The following FAM222B variants were observed in gnomAD, a reference collection of about 807,000 sequenced individuals.
FAM222B encodes the protein family with sequence similarity 222 member B.
A neutral mutation model predicts 38.0 loss-of-function variants in FAM222B; 12 were observed. The observed-to-expected ratio is 0.32, with a 90% CI of 0.20 to 0.51. The LOEUF is 0.51. Among genes scored for constraint, FAM222B ranks in the 20% least tolerant of loss-of-function variants. The probability of loss-of-function intolerance (pLI) is 0.97; values close to 1 mark genes in which losing one functional copy is unlikely to be tolerated. For missense variants in FAM222B, 716 were observed against 754.2 expected (o/e 0.95, Z 0.59); for synonymous variants, 329 against 317.2 (o/e 1.04, Z -0.40).
intron 1 of FAM222B, among the ~76,000 whole-genome samples, chr17:28,810,507 GTTTTATATACTAGCTAACTC>G (rs2037711027): frequency 6.7e-6 from 1 of 150,356 alleles, no homozygotes; most frequent in South Asian, 2.1e-4. Context: ...AGCTAACTTT[GTTTTATATACTAGCTAACTC>G]TGTTTTATAT....
Position 28,802,205 on chromosome 17 carries a change from C to A in FAM222B, c.-40-35498G>T, listed in dbSNP as rs919418566. Among the ~76,000 whole-genome samples the A allele has an allele frequency of 2.0e-5, 3 of 151,718 alleles. 1 individual carries two copies. Among genetic ancestry groups the A allele is most frequent in the African/African-American group, 7.3e-5 (3 of 41,230 alleles). ...CTCTGCCTCCCAGGTTCAAGCAATT[C>A]TCCTGCTTCAGCCTCCCGAGTAGCT... is the stretch of plus-strand genomic sequence containing the variant. On this transcript the variant is annotated intron_variant, in intron 1 of 2. Coordinates refer to ENST00000581407, the MANE Select transcript of FAM222B (RefSeq NM_001077498.3).
chr17:28,791,328 T>C (rs949592294), intron 1 of FAM222B, among the ~76,000 whole-genome samples: 1 of 152,076 alleles, frequency 6.6e-6, no homozygotes, highest in Non-Finnish European at 1.5e-5. Context: ...GGAGAAGACA[T>C]CTCTAAATTG....
At chr17:28,789,711 T>G (rs916759689) in intron 1 of FAM222B, among the ~76,000 whole-genome samples, 5 of 152,208 alleles carry the variant, frequency 3.3e-5, no homozygotes, top group Admixed American at 3.3e-4. Context: ...CATTTTCCAT[T>G]GAAAGGAACC....
At chr17:28,781,233 C>T (rs902882134) in intron 1 of FAM222B, among the ~76,000 whole-genome samples, 8 of 151,924 alleles carry the variant, frequency 5.3e-5, no homozygotes, top group South Asian at 2.1e-4. Context: ...ACGAAGTCGA[C>T]GCTGCAGTGA....
At chr17:28,817,917 C>A (rs1256060279) in intron 1 of FAM222B, among the ~76,000 whole-genome samples, 1 of 152,138 alleles carries the variant, frequency 6.6e-6, no homozygotes, top group Non-Finnish European at 1.5e-5. Context: ...CTCCTAATAA[C>A]AACATTTCTG....
intron 1 of FAM222B, among the ~76,000 whole-genome samples, chr17:28,853,470 C>T (rs2039197643): frequency 6.6e-6 from 1 of 152,132 alleles, no homozygotes; most frequent in African/African-American, 2.4e-5. Flanking sequence ...TCCACCCTCC[C>T]ATCCTATGGA....
intron 1 of FAM222B, among the ~76,000 whole-genome samples, chr17:28,808,826 T>A (rs1430540729): frequency 6.6e-6 from 1 of 152,230 alleles, no homozygotes; most frequent in Non-Finnish European, 1.5e-5. Flanking sequence ...CAGAGTCTCC[T>A]GTGCCTCTAA....
At chr17:28,766,197 G>C (rs951371426) in intron 2 of FAM222B, among the ~76,000 whole-genome samples, 10 of 152,054 alleles carry the variant, frequency 6.6e-5, no homozygotes, top group African/African-American at 2.2e-4. Flanking sequence ...GCTCACACCT[G>C]TAATCCCAGC....
intron 1 of FAM222B, among the ~76,000 whole-genome samples, chr17:28,809,368 AAG>A (rs1191781562): frequency 1.3e-4 from 19 of 151,324 alleles, no homozygotes; most frequent in Middle Eastern, 3.4e-3. Flanking sequence ...AAAAAAAAAA[AAG>A]AGAGAGAGAG....
At chr17:28,843,153 T>C (rs866527478), upstream of FAM222B, among the ~76,000 whole-genome samples, 37 of 151,600 alleles carry the variant, frequency 2.4e-4, no homozygotes, top group African/African-American at 9.0e-4. Context: ...TTTTTTTTTT[T>C]CTGAGTCGAA....
intron 1 of FAM222B, among the ~76,000 whole-genome samples, chr17:28,807,424 C>T (rs529215217): frequency 6.7e-6 from 1 of 149,506 alleles, no homozygotes; most frequent in Non-Finnish European, 1.5e-5. Flanking sequence ...CTCACTCTGT[C>T]ACCCAGGCTG....
chr17:28,818,656 A>C (rs1004508689), intron 1 of FAM222B, among the ~76,000 whole-genome samples: 10 of 152,216 alleles, frequency 6.6e-5, no homozygotes, highest in Non-Finnish European at 1.2e-4. Context: ...AAAGGGAAAC[A>C]CTTGTATGGT....
intron 1 of FAM222B, among the ~76,000 whole-genome samples, chr17:28,810,445 TATATACTAGCTAACTTTGTTTTA>T (rs2037703281): frequency 1.5e-4 from 4 of 27,276 alleles, no homozygotes; most frequent in Non-Finnish European, 2.7e-4. Context: ...AACTCTGTTT[TATATACTAGCTAACTTTGTTTTA>T]TATACTAGCT....
intron 2 of FAM222B, among the ~76,000 whole-genome samples, chr17:28,763,879 T>C (rs2035199890): frequency 1.3e-5 from 2 of 152,304 alleles, no homozygotes; most frequent in South Asian, 4.1e-4. Context: ...CAATCTGCCA[T>C]TTCCAGACCC....
rs151310717 is a variant in FAM222B at position 28,840,736 on chromosome 17, C to T, written c.-41+1946G>A. Reference sequence around the variant, plus strand: ...CTTTGGGAGGCTGGGGCGGGCGGATCACCTGAGGTCAGAAGTTTGAGACCA... The same window carrying T: ...CTTTGGGAGGCTGGGGCGGGCGGATTACCTGAGGTCAGAAGTTTGAGACCA... On this transcript the variant is annotated intron_variant, in intron 1 of 2. Transcript: ENST00000581407. Among the ~76,000 whole-genome samples the T allele has an allele frequency of 7.1e-3, 1,084 of 152,024 alleles. 5 individuals carry two copies. Among genetic ancestry groups the T allele is most frequent in the Non-Finnish European group, 0.012 (837 of 67,978 alleles).
chr17:28,789,660 A>C (rs935451357), intron 1 of FAM222B, among the ~76,000 whole-genome samples: 2 of 152,222 alleles, frequency 1.3e-5, no homozygotes, highest in African/African-American at 4.8e-5. Context: ...ACCCAATTGC[A>C]ATGAGCCCCA....
chr17:28,771,300 T>C (rs1224631063), intron 1 of FAM222B, among the ~76,000 whole-genome samples: 1 of 152,204 alleles, frequency 6.6e-6, no homozygotes, highest in Non-Finnish European at 1.5e-5. Context: ...AGAGTATGAT[T>C]AGTCTTTTTA....
At chr17:28,772,150 T>TA (rs2035664498) in intron 1 of FAM222B, among the ~76,000 whole-genome samples, 2 of 152,162 alleles carry the variant, frequency 1.3e-5, no homozygotes, top group African/African-American at 4.8e-5. Flanking sequence ...TCTGTATAGC[T>TA]AATACTCTGA....
At chr17:28,816,761 A>T (rs2038041025) in intron 1 of FAM222B, among the ~76,000 whole-genome samples, 1 of 152,176 alleles carries the variant, frequency 6.6e-6, no homozygotes, top group Non-Finnish European at 1.5e-5. Flanking sequence ...GAGCATAGAA[A>T]CTTTGATAAA....
Sources: gnomAD v4.1 joint callset for allele counts (sites outside exome capture counted in the v4.1 genomes callset) on GRCh38, gnomAD v4.1.1 for gene constraint, MANE v1.5 for transcripts, NCBI Gene and HGNC (gene_info 2026-07-23, HGNC 2026-07-21) for gene names.